Variants in EPHA6 observed in about 807,000 individuals in gnomAD.
The protein encoded by EPHA6 is ephrin type-A receptor 6.
Under a neutral mutation model 112.0 loss-of-function variants are expected in EPHA6, and 50 were observed. The observed-to-expected ratio is 0.45, with a 90% CI of 0.36 to 0.56. The LOEUF is 0.56. EPHA6 is among the 20% of genes least tolerant of loss of function. The pLI, the probability that EPHA6 is intolerant of heterozygous loss-of-function variation, is 0.00. For synonymous variants in EPHA6, 529 were observed against 490.7 expected, an observed-to-expected ratio of 1.08 and a Z score of -1.03; for missense variants, 1,280 against 1,417.4, an observed-to-expected ratio of 0.90 and a Z score of 1.56.
chr3:97,461,661 A>G (rs761718448), intron 7 of EPHA6, among the ~76,000 whole-genome samples: 4 of 152,126 alleles, frequency 2.6e-5, no homozygotes, highest in Non-Finnish European at 5.9e-5. Flanking sequence ...TCATTTTCTT[A>G]TTCTTCTCCT....
At chr3:97,400,818 G>A (rs2086951464) in intron 5 of EPHA6, among the ~76,000 whole-genome samples, 1 of 151,632 alleles carries the variant, frequency 6.6e-6, no homozygotes, top group Non-Finnish European at 1.5e-5. Context: ...TTTTTTGGTA[G>A]AGTCTGTAGA....
intron 5 of EPHA6, among the ~76,000 whole-genome samples, chr3:97,276,100 C>T (rs1473018166): frequency 6.6e-6 from 1 of 151,970 alleles, no homozygotes; most frequent in African/African-American, 2.4e-5. Context: ...GGAAACAGGC[C>T]CTTGAAAAGA....
At chr3:97,380,463 A>C (rs1215061994) in intron 5 of EPHA6, among the ~76,000 whole-genome samples, 1 of 152,182 alleles carries the variant, frequency 6.6e-6, no homozygotes, top group African/African-American at 2.4e-5. Flanking sequence ...AGAATGCCTA[A>C]CTCATTACCG....
chr3:97,684,983 T>C (rs758884400), intron 14 of EPHA6, among the ~76,000 whole-genome samples: 33 of 152,190 alleles, frequency 2.2e-4, no homozygotes, highest in Admixed American at 3.3e-4. Flanking sequence ...TTGTATGAAA[T>C]GGAATTTCTC....
At chr3:96,881,269 G>A (rs1178792339) in intron 2 of EPHA6, among the ~76,000 whole-genome samples, 3 of 152,104 alleles carry the variant, frequency 2.0e-5, no homozygotes, top group African/African-American at 7.2e-5. Context: ...TGCTGTTAAA[G>A]ACATACCCAA....
intron 3 of EPHA6, among the ~76,000 whole-genome samples, chr3:97,157,794 C>T (rs746138411): frequency 1.3e-5 from 2 of 152,070 alleles, no homozygotes; most frequent in Non-Finnish European, 2.9e-5. Context: ...TTCAGATCTT[C>T]AATTGATTAG....
At chr3:97,343,860 C>G (rs2083421863) in intron 5 of EPHA6, among the ~76,000 whole-genome samples, 1 of 152,132 alleles carries the variant, frequency 6.6e-6, no homozygotes, top group South Asian at 2.1e-4. Context: ...AGTGACATAG[C>G]CATGCCACAC....
intron 6 of EPHA6, chr3:97,441,415 G>T (rs1211959892): frequency 1.0e-6 from 1 of 974,354 alleles, no homozygotes; most frequent in Non-Finnish European, 1.2e-6. Context: ...ACAAAATACA[G>T]ACAAACAAAA....
At chr3:96,861,042 G>C (rs1207660424) in intron 1 of EPHA6, among the ~76,000 whole-genome samples, 1 of 151,976 alleles carries the variant, frequency 6.6e-6, no homozygotes, top group Non-Finnish European at 1.5e-5. Context: ...CCTTGTGATA[G>C]ATCACATCCA....
intron 1 of EPHA6, among the ~76,000 whole-genome samples, chr3:96,826,612 C>T (rs1346497754): frequency 1.3e-5 from 2 of 152,026 alleles, no homozygotes; most frequent in Admixed American, 1.3e-4. Context: ...TGGCTATTTT[C>T]CATGTCTTTC....
At chr3:97,293,068 C>T (rs2080750872) in intron 5 of EPHA6, among the ~76,000 whole-genome samples, 1 of 152,006 alleles carries the variant, frequency 6.6e-6, no homozygotes, top group Non-Finnish European at 1.5e-5. Flanking sequence ...TGGTGGATAG[C>T]TCCTTTTCAC....
At chr3:97,691,556 G>A (rs1168900627) in intron 14 of EPHA6, among the ~76,000 whole-genome samples, 1 of 152,052 alleles carries the variant, frequency 6.6e-6, no homozygotes, top group Non-Finnish European at 1.5e-5. Context: ...GTGTGGTTAG[G>A]GAAAGGGTTA....
intron 2 of EPHA6, among the ~76,000 whole-genome samples, chr3:96,877,443 T>TTAATGACC (rs1347222049): frequency 7.9e-5 from 12 of 152,086 alleles, no homozygotes; most frequent in Admixed American, 2.6e-4. Flanking sequence ...TTTCAAAGAA[T>TTAATGACC]TAATGACCGG....
chr3:97,096,762 A>G (rs1161676606), intron 3 of EPHA6, among the ~76,000 whole-genome samples: 1 of 151,942 alleles, frequency 6.6e-6, no homozygotes, highest in Non-Finnish European at 1.5e-5. Flanking sequence ...TGTCACTTTT[A>G]TTTAAAGTTA....
At chr3:97,335,786 T>C (rs2083027067) in intron 5 of EPHA6, among the ~76,000 whole-genome samples, 5 of 152,124 alleles carry the variant, frequency 3.3e-5, no homozygotes, top group Admixed American at 2.6e-4. Context: ...GAAGCTAGAA[T>C]TTTATTATTC....
chr3:97,444,372 A>G (rs2090252130), intron 6 of EPHA6, among the ~76,000 whole-genome samples: 1 of 152,100 alleles, frequency 6.6e-6, no homozygotes, highest in Non-Finnish European at 1.5e-5. Context: ...GGTAAACCCA[A>G]GAGAGGGAGA....
intron 12 of EPHA6, among the ~76,000 whole-genome samples, chr3:97,599,062 T>G (rs1229873185): frequency 2.6e-5 from 4 of 151,920 alleles, no homozygotes; most frequent in African/African-American, 7.3e-5. Flanking sequence ...CATAAATGTC[T>G]TCTTTTGAGA....
chr3:96,897,804 G>A (rs186340474), intron 2 of EPHA6, among the ~76,000 whole-genome samples: 1 of 152,282 alleles, frequency 6.6e-6, no homozygotes, highest in East Asian at 1.9e-4. Flanking sequence ...GATTGACAAT[G>A]TGAATGATGT....
intron 14 of EPHA6, among the ~76,000 whole-genome samples, chr3:97,657,450 A>G (rs766656425): frequency 9.9e-5 from 15 of 151,860 alleles, no homozygotes; most frequent in Non-Finnish European, 1.6e-4. Flanking sequence ...CAATATGGAT[A>G]TGGAGTCATT....
Sources: gnomAD v4.1 joint callset for allele counts (sites outside exome capture counted in the v4.1 genomes callset) on GRCh38, gnomAD v4.1.1 for gene constraint, MANE v1.5 for transcripts, NCBI Gene and HGNC (gene_info 2026-07-23, HGNC 2026-07-21) for gene names.